CENPP: variants seen among roughly 807,000 people sequenced by gnomAD.
The protein encoded by CENPP is centromere protein P.
A neutral mutation model predicts 35.6 loss-of-function variants in CENPP; 24 were observed. The observed-to-expected ratio is 0.67, with a 90% CI of 0.49 to 0.95. The LOEUF (loss-of-function observed/expected upper bound fraction) is 0.95, where lower values mean the gene tolerates loss of function less well. Among genes scored for constraint, CENPP ranks in the 40% least tolerant of loss-of-function variants. The probability of loss-of-function intolerance (pLI) is 0.00; values close to 1 mark genes in which losing one functional copy is unlikely to be tolerated. For synonymous variants in CENPP, 120 were observed against 125.5 expected, an observed-to-expected ratio of 0.96 and a Z score of 0.29; for missense variants, 332 against 345.3, an observed-to-expected ratio of 0.96 and a Z score of 0.31.
At chr9:92,397,884 CAGAG>C (rs1842955506) in intron 5 of CENPP, among the ~76,000 whole-genome samples, 2 of 152,198 alleles carry the variant, frequency 1.3e-5, no homozygotes, top group South Asian at 2.1e-4. Flanking sequence ...TAGAGATAAA[CAGAG>C]AGAAACATTT....
intron 5 of CENPP, among the ~76,000 whole-genome samples, chr9:92,546,661 G>GT (rs1279858859): frequency 6.6e-6 from 1 of 152,154 alleles, no homozygotes; most frequent in African/African-American, 2.4e-5. Flanking sequence ...TTTAAGAACT[G>GT]TAACACTCAC....
At chr9:92,363,373 C>T (rs936199978) in intron 4 of CENPP, among the ~76,000 whole-genome samples, 2 of 152,146 alleles carry the variant, frequency 1.3e-5, no homozygotes, top group Non-Finnish European at 2.9e-5. Context: ...CTCATGATTA[C>T]ATTACTGTAT....
At chr9:92,578,628 C>A (rs1034199817) in intron 5 of CENPP, among the ~76,000 whole-genome samples, 3 of 152,096 alleles carry the variant, frequency 2.0e-5, no homozygotes, top group Non-Finnish European at 2.9e-5. Flanking sequence ...ATGTCCTTTG[C>A]CCACTTTTTG....
intron 5 of CENPP, among the ~76,000 whole-genome samples, chr9:92,432,062 C>T (rs1011976494): frequency 3.3e-5 from 5 of 152,152 alleles, no homozygotes; most frequent in African/African-American, 7.2e-5. Context: ...CAGTGGCTCA[C>T]GCCTGTAATC....
intron 5 of CENPP, among the ~76,000 whole-genome samples, chr9:92,413,710 T>C (rs1843507880): frequency 6.6e-6 from 1 of 152,164 alleles, no homozygotes; most frequent in African/African-American, 2.4e-5. Context: ...TATTGATCCC[T>C]TATTGCCAAG....
chr9:92,440,545 C>A (rs969622757), intron 5 of CENPP, among the ~76,000 whole-genome samples: 1 of 152,072 alleles, frequency 6.6e-6, no homozygotes, highest in African/African-American at 2.4e-5. Context: ...TAAAAGTTCT[C>A]AACTTAATAA....
At chr9:92,462,632 C>T (rs868138788) in intron 5 of CENPP, among the ~76,000 whole-genome samples, 3 of 152,120 alleles carry the variant, frequency 2.0e-5, no homozygotes, top group Admixed American at 6.5e-5. Flanking sequence ...ATAATAGTTT[C>T]CATGACTGAA....
chr9:92,330,172 A>G (rs1359951966), intron 1 of CENPP, among the ~76,000 whole-genome samples: 2 of 152,248 alleles, frequency 1.3e-5, no homozygotes, highest in African/African-American at 4.8e-5. Flanking sequence ...GATGTCAGGC[A>G]AGTGAAGGAG....
chr9:92,507,119 A>G (rs1335255089), intron 5 of CENPP, among the ~76,000 whole-genome samples: 1 of 152,114 alleles, frequency 6.6e-6, no homozygotes, highest in East Asian at 1.9e-4. Flanking sequence ...TCTGGCTCTC[A>G]TTCTCTAGGC....
intron 5 of CENPP, among the ~76,000 whole-genome samples, chr9:92,399,254 G>A (rs1477817211): frequency 6.6e-6 from 1 of 152,042 alleles, no homozygotes; most frequent in Admixed American, 6.6e-5. Flanking sequence ...TTTTCAATCA[G>A]ATAGGTTAAA....
chr9:92,381,265 G>A (rs548203455), intron 5 of CENPP, among the ~76,000 whole-genome samples: 15 of 150,768 alleles, frequency 9.9e-5, no homozygotes, highest in African/African-American at 2.9e-4. Flanking sequence ...CCATGTCATA[G>A]CATGTGTCAG....
intron 5 of CENPP, among the ~76,000 whole-genome samples, chr9:92,576,620 A>G (rs529790542): frequency 6.6e-6 from 1 of 152,326 alleles, no homozygotes; most frequent in South Asian, 2.1e-4. Context: ...ATATCAATAA[A>G]TAGGCATACA....
intron 5 of CENPP, among the ~76,000 whole-genome samples, chr9:92,576,735 T>A (rs1850292130): frequency 6.6e-6 from 1 of 152,166 alleles, no homozygotes; most frequent in African/African-American, 2.4e-5. Flanking sequence ...TTAAATCATA[T>A]TTTGGCAGTG....
chr9:92,359,237 C>T (rs1841675298), intron 4 of CENPP, among the ~76,000 whole-genome samples: 1 of 152,088 alleles, frequency 6.6e-6, no homozygotes, highest in Non-Finnish European at 1.5e-5. Flanking sequence ...GCATGAGCCA[C>T]CGTGCCCAGC....
At chr9:92,327,749 T>C (rs967020066) in intron 1 of CENPP, among the ~76,000 whole-genome samples, 2 of 152,182 alleles carry the variant, frequency 1.3e-5, no homozygotes, top group Admixed American at 1.3e-4. Context: ...TAGCATCTGG[T>C]GGTGGATGAA....
At position 92,379,865 on chromosome 9, in the gene CENPP, G is replaced by C; in HGVS notation, c.564+6G>C. On this transcript the variant is annotated splice_donor_region_variant and intron_variant, in intron 5 of 7. Coordinates refer to ENST00000375587, the MANE Select transcript of CENPP (RefSeq NM_001012267.3). Reference sequence around the variant, plus strand: ...GCACGTTTAAACATCTCAAGGTAAAGTCTGAAGTCTTTGAATTTAAACATA... The same window carrying C: ...GCACGTTTAAACATCTCAAGGTAAACTCTGAAGTCTTTGAATTTAAACATA... 1 of 1,567,424 alleles carries C rather than the reference G, an allele frequency of 6.4e-7. No individual in the cohort carries two copies.
At chr9:92,329,417 C>T (rs920922956) in intron 1 of CENPP, among the ~76,000 whole-genome samples, 4 of 152,134 alleles carry the variant, frequency 2.6e-5, no homozygotes, top group Non-Finnish European at 4.4e-5. Flanking sequence ...AACTCTTGAC[C>T]TCAGGTGATC....
At chr9:92,386,323 T>G (rs1842420057) in intron 5 of CENPP, 2 of 1,423,098 alleles carry the variant, frequency 1.4e-6, no homozygotes, top group East Asian at 4.6e-5. Context: ...ATGTGAGTGT[T>G]ATTGAGGTTC....
At chr9:92,450,870 GT>G (rs1844688153) in intron 5 of CENPP, among the ~76,000 whole-genome samples, 1 of 152,136 alleles carries the variant, frequency 6.6e-6, no homozygotes, top group Non-Finnish European at 1.5e-5. Context: ...TTTTTCATGT[GT>G]TTTTTGGCTG....
Sources: allele counts gnomAD v4.1 joint callset (sites outside exome capture counted in the v4.1 genomes callset), GRCh38; gene constraint gnomAD v4.1.1; transcripts MANE v1.5; gene names NCBI Gene and HGNC (gene_info 2026-07-23, HGNC 2026-07-21).